The following KAZN variants were observed in gnomAD, a reference collection of about 807,000 sequenced individuals.
The protein encoded by KAZN is kazrin.
In KAZN, 40 loss-of-function variants were observed where a neutral mutation model predicts 87.4. The ratio of observed to expected loss-of-function variants is 0.46; its 90% CI spans 0.36 to 0.60. The LOEUF (loss-of-function observed/expected upper bound fraction) is 0.60. Among genes scored for constraint, KAZN ranks in the 20% least tolerant of loss-of-function variants. KAZN has a pLI of 0.00. For missense variants in KAZN, 898 were observed against 1,073.9 expected (o/e 0.84, Z 2.29); for synonymous variants, 466 against 458.3 (o/e 1.02, Z -0.22).
At chr1:13,934,428 T>C (rs969966652) in intron 1 of KAZN, among the ~76,000 whole-genome samples, 1 of 152,194 alleles carries the variant, frequency 6.6e-6, no homozygotes, top group African/African-American at 2.4e-5. Context: ...GTAAATTTAA[T>C]GTCATTGTGC....
rs566186887 is a variant in KAZN, at chr1:14,894,483, G to A, written c.227-66201G>A. ...TGGGAAGACTGAATGTGTTAGGGAC[G>A]TCAAGGGTGTAGAGTGCCTCATGGC... On this transcript the variant is annotated intron_variant, in intron 1 of 14. Coordinates refer to ENST00000376030, the MANE Select transcript of KAZN (RefSeq NM_201628.3). Among the ~76,000 whole-genome samples the A allele has an allele frequency of 8.5e-5, 13 of 152,356 alleles. No homozygotes were observed. In the South Asian group the frequency reaches 1.4e-3, roughly 17 times the overall value.
At chr1:13,966,863 T>C (rs1641965100) in intron 1 of KAZN, among the ~76,000 whole-genome samples, 1 of 152,258 alleles carries the variant, frequency 6.6e-6, no homozygotes, top group Non-Finnish European at 1.5e-5. Context: ...TTTGACCTTT[T>C]TCTTTTTACT....
chr1:14,392,771 T>C (rs1486453175), intron 2 of KAZN, among the ~76,000 whole-genome samples: 1 of 152,138 alleles, frequency 6.6e-6, no homozygotes, highest in Non-Finnish European at 1.5e-5. Flanking sequence ...GGGACAAAAC[T>C]GCACTAGTTA....
In KAZN at chr1:14,599,029, G is replaced by T. The variant is rs1292161333; in HGVS notation, c.32G>T (p.Arg11Leu). The T allele has an allele frequency of 1.9e-6, 3 of 1,569,922 alleles. No individual in the cohort carries two copies. The highest frequency in any genetic ancestry group is 1.4e-5 in the African/African-American group (1 of 70,742). ...GAAGACAATAAGCAGCTCGCGCTCC[G>T]CATCGATGGGGCGGTCCAGTCGGCC... The part of the protein sequence containing the change: MMEDNKQLAL[R>L]IDGAVQSASQ... The change falls in exon 1 of 15, where the codon CGC (arginine) becomes CTC (leucine). Residue 11 changes from arginine (R) to leucine (L), a missense_variant. Transcript: ENST00000376030. This position sits in a 1 kb window ranked among gnomAD's most constrained non-coding sequence, Gnocchi z 4.4.
chr1:15,042,135 A>G (rs1014181077), intron 3 of KAZN, among the ~76,000 whole-genome samples: 62 of 152,190 alleles, frequency 4.1e-4, no homozygotes, highest in African/African-American at 1.3e-3. Context: ...CGTGAGTAGT[A>G]GTGTGAACCA....
chr1:14,757,598 C>A (rs1644604894), intron 1 of KAZN, among the ~76,000 whole-genome samples: 1 of 152,274 alleles, frequency 6.6e-6, no homozygotes, highest in Non-Finnish European at 1.5e-5. Context: ...GTACATTAGA[C>A]ACTGTTGGTA....
intron 1 of KAZN, among the ~76,000 whole-genome samples, chr1:14,016,167 A>G (rs61777683): frequency 0.17 from 25,716 of 152,054 alleles, 2,358 homozygotes; most frequent in African/African-American, 0.21. Context: ...TTTCTCTCCC[A>G]ATGCACGAAG....
chr1:14,924,927 T>A (rs1332470638), intron 1 of KAZN, among the ~76,000 whole-genome samples: 1 of 152,174 alleles, frequency 6.6e-6, no homozygotes, highest in African/African-American at 2.4e-5. Flanking sequence ...TTCGGCCCCC[T>A]GGGACCGCAC....
At chr1:14,236,440 C>G (rs1040439948) in intron 2 of KAZN, among the ~76,000 whole-genome samples, 1 of 152,190 alleles carries the variant, frequency 6.6e-6, no homozygotes, top group Non-Finnish European at 1.5e-5. Flanking sequence ...AATCCATTCT[C>G]TTCCTTTCAT....
At chr1:14,998,106 T>G (rs1573017435) in intron 2 of KAZN, among the ~76,000 whole-genome samples, 1 of 149,454 alleles carries the variant, frequency 6.7e-6, no homozygotes, top group Non-Finnish European at 1.5e-5. Flanking sequence ...CACTCTCCAG[T>G]GGATGGGAAC....
At chr1:14,519,674 G>GT (rs1258785717) in intron 2 of KAZN, among the ~76,000 whole-genome samples, 2 of 152,190 alleles carry the variant, frequency 1.3e-5, no homozygotes, top group Non-Finnish European at 2.9e-5. Flanking sequence ...AGAAAAGAGA[G>GT]TAAGAGGGAA....
At chr1:14,416,088 A>G (rs1363404241) in intron 2 of KAZN, among the ~76,000 whole-genome samples, 1 of 152,142 alleles carries the variant, frequency 6.6e-6, no homozygotes, top group East Asian at 1.9e-4. Context: ...TGCTTCATGA[A>G]CTTAAGTGAA....
At chr1:14,942,579 T>C (rs1301409339) in intron 1 of KAZN, among the ~76,000 whole-genome samples, 1 of 152,196 alleles carries the variant, frequency 6.6e-6, no homozygotes, top group African/African-American at 2.4e-5. Context: ...CATTTTCTCC[T>C]GGGAGATGAG....
chr1:14,383,222 G>A (rs1571465547), intron 2 of KAZN, among the ~76,000 whole-genome samples: 3 of 151,498 alleles, frequency 2.0e-5, no homozygotes, highest in African/African-American at 7.3e-5. Flanking sequence ...TTAGCCCTTT[G>A]TCAGATGAGT....
chr1:14,422,226 T>A (rs945485605), intron 2 of KAZN, among the ~76,000 whole-genome samples: 2 of 152,244 alleles, frequency 1.3e-5, no homozygotes, highest in Non-Finnish European at 2.9e-5. Context: ...TGGGTTCTGA[T>A]GAGATGTGAT....
At chr1:14,842,260 TG>T (rs1431288743) in intron 1 of KAZN, among the ~76,000 whole-genome samples, 1 of 152,262 alleles carries the variant, frequency 6.6e-6, no homozygotes, top group Non-Finnish European at 1.5e-5. Flanking sequence ...ATTCATTTTT[TG>T]TTGAATGCAT....
chr1:15,084,908 CAAATACA>C (rs1384478694), intron 8 of KAZN, among the ~76,000 whole-genome samples: 4 of 151,982 alleles, frequency 2.6e-5, no homozygotes, highest in Non-Finnish European at 4.4e-5. Flanking sequence ...TTATCAATAC[CAAATACA>C]AAATACTAAA....
At chr1:14,751,378 T>C (rs1211800554) in intron 1 of KAZN, among the ~76,000 whole-genome samples, 1 of 152,248 alleles carries the variant, frequency 6.6e-6, no homozygotes, top group Non-Finnish European at 1.5e-5. Flanking sequence ...GTCATTGAAT[T>C]CTACCCTTCT....
At chr1:14,163,633 T>G (rs979208521) in intron 1 of KAZN, among the ~76,000 whole-genome samples, 1 of 152,176 alleles carries the variant, frequency 6.6e-6, no homozygotes, top group African/African-American at 2.4e-5. Context: ...ATTGGGAGAC[T>G]GCCGTTCCCT....
Sources: allele counts gnomAD v4.1 joint callset (sites outside exome capture counted in the v4.1 genomes callset), GRCh38; gene constraint gnomAD v4.1.1; non-coding constraint Gnocchi (gnomAD v3.1); transcripts MANE v1.5; gene names NCBI Gene and HGNC (gene_info 2026-07-23, HGNC 2026-07-21).